Variants in RBMS3 observed in about 807,000 individuals in gnomAD.
RBMS3 encodes RNA-binding motif, single-stranded-interacting protein 3.
A neutral mutation model predicts 66.8 loss-of-function variants in RBMS3; 27 were observed. The observed-to-expected ratio is 0.40, with a 90% confidence interval of 0.30 to 0.56. The LOEUF is 0.56. Ranked by LOEUF, RBMS3 falls within the 20% of genes least tolerant of loss-of-function variation. The pLI, the probability that RBMS3 is intolerant of heterozygous loss-of-function variation, is 0.40. For synonymous variants in RBMS3, 188 were observed against 183.0 expected, an observed-to-expected ratio of 1.03 and a Z score of -0.22; for missense variants, 513 against 549.5, an observed-to-expected ratio of 0.93 and a Z score of 0.66.
intron 8 of RBMS3, among the ~76,000 whole-genome samples, chr3:29,896,337 C>A (rs1559778088): frequency 6.6e-6 from 1 of 151,038 alleles, no homozygotes; most frequent in Non-Finnish European, 1.5e-5. Context: ...AAGTCTTTGT[C>A]CCATAAATTC....
intron 7 of RBMS3, among the ~76,000 whole-genome samples, chr3:29,882,035 AC>A (rs1472468216): frequency 6.6e-6 from 1 of 152,150 alleles, no homozygotes; most frequent in Non-Finnish European, 1.5e-5. Context: ...TGTAAAGCCC[AC>A]CTGTTTTATT....
intron 12 of RBMS3, among the ~76,000 whole-genome samples, chr3:29,957,566 CAGT>C: frequency 6.6e-6 from 1 of 152,160 alleles, no homozygotes; most frequent in African/African-American, 2.4e-5. Flanking sequence ...GATTTGGAGA[CAGT>C]AGAATAATTG....
chr3:29,916,048 A>G (rs745968161), intron 10 of RBMS3, among the ~76,000 whole-genome samples: 8 of 152,052 alleles, frequency 5.3e-5, no homozygotes, highest in African/African-American at 7.2e-5. Context: ...GATCCTGTCC[A>G]TTTCTATTAC....
chr3:29,636,006 A>C (rs1424502132), intron 4 of RBMS3, among the ~76,000 whole-genome samples: 1 of 151,316 alleles, frequency 6.6e-6, no homozygotes, highest in African/African-American at 2.4e-5. Context: ...GGAAATGCAA[A>C]TATTTAGAAG....
intron 6 of RBMS3, among the ~76,000 whole-genome samples, chr3:29,811,912 G>A (rs10510628): frequency 0.33 from 50,087 of 152,010 alleles, 8,699 homozygotes; most frequent in Non-Finnish European, 0.39. Flanking sequence ...GGAAGTTGTG[G>A]AAGATATTGG....
At chr3:29,857,063 C>A (rs1442203115) in intron 6 of RBMS3, among the ~76,000 whole-genome samples, 1 of 152,174 alleles carries the variant, frequency 6.6e-6, no homozygotes, top group Admixed American at 6.6e-5. Flanking sequence ...GGTTTTCATT[C>A]TAGCTGATGC....
chr3:29,821,185 G>A (rs2058068921), intron 6 of RBMS3, among the ~76,000 whole-genome samples: 2 of 152,082 alleles, frequency 1.3e-5, no homozygotes, highest in Non-Finnish European at 2.9e-5. Flanking sequence ...TTTCATATAA[G>A]CATCCAGATA....
chr3:29,565,842 C>A (rs1042951589), intron 3 of RBMS3, among the ~76,000 whole-genome samples: 9 of 152,062 alleles, frequency 5.9e-5, no homozygotes, highest in African/African-American at 1.9e-4. Context: ...AATGTTTTGC[C>A]CTTTTGTGCC....
In RBMS3 at chr3:29,582,383, C is replaced by T. The variant is rs1055673874; in HGVS notation, c.308-4731C>T. ...ACAGAGCTGGTTCTTTCTCATTGCT[C>T]TACTTCCCGCTAATTGCAGAACTGC... On this transcript the variant is annotated intron_variant, in intron 3 of 14. Coordinates refer to ENST00000383767, the MANE Select transcript of RBMS3 (RefSeq NM_001003793.3). Among the ~76,000 whole-genome samples the T allele has an allele frequency of 3.3e-5, 5 of 152,348 alleles. No homozygotes were observed. In the South Asian group the frequency reaches 1.0e-3, roughly 32 times the overall value.
In RBMS3 at chr3:29,991,361, T is replaced by TTTGGGCTAACTTTGGGTGGATGG. The variant is rs1698864232; in HGVS notation, c.1307+155_1307+177dup. 3 of 1,353,860 alleles carry TTTGGGCTAACTTTGGGTGGATGG rather than the reference T, an allele frequency of 2.2e-6. No individual in the cohort carries two copies. In the South Asian group the frequency reaches 4.4e-5, roughly 20 times the overall value. 83.9% of individuals were successfully genotyped at this position (1,353,860 alleles called of 1,614,324 possible). A position where few individuals can be genotyped will look rare whatever the true frequency, so the allele number is the denominator to read the frequency against. ...AGCTCATGATTATGTGGGTTTGAAA[T>TTTGGGCTAACTTTGGGTGGATGG]TTGGGCTAACTTTGGGTGGATGGTT... On this transcript the variant is annotated intron_variant, in intron 14 of 14. Transcript: ENST00000383767.
intron 2 of RBMS3, among the ~76,000 whole-genome samples, chr3:29,467,411 C>T (rs528047430): frequency 3.3e-5 from 5 of 152,202 alleles, no homozygotes; most frequent in East Asian, 1.9e-4. Context: ...CATGAGTTTG[C>T]GTTTATGTGC....
At chr3:29,897,274 C>T (rs1416798208) in intron 8 of RBMS3, 105 bp from the exon 9 acceptor site, 5 of 967,542 alleles carry the variant, frequency 5.2e-6, no homozygotes, top group African/African-American at 1.6e-5. Flanking sequence ...GGTGGAAAAA[C>T]GTGCGGGTGG....
chr3:29,758,594 G>C (rs1409992608), intron 5 of RBMS3, among the ~76,000 whole-genome samples: 2 of 152,218 alleles, frequency 1.3e-5, no homozygotes, highest in African/African-American at 2.4e-5. Flanking sequence ...TTCACTGTTT[G>C]GTACTTAAGA....
At chr3:29,730,814 A>T in intron 4 of RBMS3, 24 of 923,780 alleles carry the variant, frequency 2.6e-5, no homozygotes, top group Non-Finnish European at 3.1e-5. Context: ...TATATTTGTG[A>T]TATGGTAATA....
chr3:29,447,087 A>AT (rs1294727885), intron 2 of RBMS3, among the ~76,000 whole-genome samples: 8 of 151,260 alleles, frequency 5.3e-5, no homozygotes, highest in Admixed American at 1.3e-4. Flanking sequence ...TAATTTTTGT[A>AT]TTTTTTGTAA....
chr3:29,956,201 T>C (rs1008359200), intron 12 of RBMS3, among the ~76,000 whole-genome samples: 3 of 152,146 alleles, frequency 2.0e-5, no homozygotes, highest in Non-Finnish European at 4.4e-5. Context: ...CTTTGTAAGA[T>C]GTGTTTAATG....
intron 3 of RBMS3, among the ~76,000 whole-genome samples, chr3:29,579,769 A>G (rs2149081797): frequency 6.6e-6 from 1 of 152,280 alleles, no homozygotes; most frequent in African/African-American, 2.4e-5. Flanking sequence ...TGGTTCCCAG[A>G]GGTTAATCTG....
chr3:29,497,034 G>GT (rs1373080263), intron 3 of RBMS3, among the ~76,000 whole-genome samples: 3 of 145,720 alleles, frequency 2.1e-5, no homozygotes, highest in African/African-American at 7.6e-5. Flanking sequence ...TTTTTTTCTT[G>GT]TTTTTTGAGA....
At chr3:29,475,633 T>A (rs1201035353) in intron 2 of RBMS3, among the ~76,000 whole-genome samples, 1 of 152,154 alleles carries the variant, frequency 6.6e-6, no homozygotes, top group East Asian at 1.9e-4. Context: ...TCATGAAACA[T>A]TTACCGTATA....
Sources: gnomAD v4.1 joint callset for allele counts (sites outside exome capture counted in the v4.1 genomes callset) on GRCh38, gnomAD v4.1.1 for gene constraint, MANE v1.5 for transcripts, NCBI Gene and HGNC (gene_info 2026-07-23, HGNC 2026-07-21) for gene names.